RREB1: variants seen among roughly 807,000 people sequenced by gnomAD.
RREB1 encodes ras responsive element binding protein 1, also known as ras-responsive element-binding protein 1.
RREB1 carries 27 observed loss-of-function variants against 117.8 expected under a neutral mutation model. The observed-to-expected ratio is 0.23, with a 90% confidence interval of 0.17 to 0.32. The LOEUF (loss-of-function observed/expected upper bound fraction) is 0.32. RREB1 is among the 10% of genes least tolerant of loss of function. The probability of loss-of-function intolerance (pLI) is 1.00; values close to 1 mark genes in which losing one functional copy is unlikely to be tolerated. For missense variants in RREB1, 2,577 were observed against 2,378.2 expected, an observed-to-expected ratio of 1.08 and a Z score of -1.74; for synonymous variants, 1,298 against 1,026.7, an observed-to-expected ratio of 1.26 and a Z score of -5.05.
rs1314432284 is a variant in RREB1 at position 7,229,092 on chromosome 6, G to A, written c.993G>A (p.Leu331=). ...CDKAFPMLCS[L]ALHKQTHVAA... ...AGGCGTTCCCCATGCTCTGCTCACT[G>A]GCTCTGCACAAGCAGACCCATGTGG... Residue 331 remains leucine (L), a synonymous_variant, in exon 10 of 13, where the codon CTG becomes CTA. Coordinates refer to ENST00000379938, the MANE Select transcript of RREB1 (RefSeq NM_001003699.4). The surrounding 1 kb of genome is among the most constrained non-coding windows in gnomAD (Gnocchi z 4.5). 1 of 1,600,086 alleles carries A rather than the reference G, an allele frequency of 6.2e-7. No homozygotes were observed. Among genetic ancestry groups the A allele is most frequent in the Admixed American group, 1.7e-5 (1 of 59,540 alleles).
chr6:7,124,701 A>G (rs1359440220), intron 1 of RREB1, among the ~76,000 whole-genome samples: 1 of 152,260 alleles, frequency 6.6e-6, no homozygotes, highest in East Asian at 1.9e-4. Flanking sequence ...AGCAGCAGTC[A>G]TAAGATCTAA....
chr6:7,228,364 T>A (rs1446001327), intron 9 of RREB1, among the ~76,000 whole-genome samples: 1 of 152,142 alleles, frequency 6.6e-6, no homozygotes, highest in South Asian at 2.1e-4. Context: ...GTATTGTTAC[T>A]TAACTATACT....
At chr6:7,182,319 C>T (rs1764852515) in intron 4 of RREB1, among the ~76,000 whole-genome samples, 1 of 152,034 alleles carries the variant, frequency 6.6e-6, no homozygotes, top group East Asian at 1.9e-4. Flanking sequence ...TATTTTTGGC[C>T]CCACCATTGG....
intron 1 of RREB1, among the ~76,000 whole-genome samples, chr6:7,142,760 A>G (rs1175338606): frequency 6.6e-6 from 1 of 152,234 alleles, no homozygotes; most frequent in Non-Finnish European, 1.5e-5. Context: ...GAATGAGTTC[A>G]GTGACTTTAC....
At chr6:7,228,258 A>G (rs1261883882) in intron 9 of RREB1, among the ~76,000 whole-genome samples, 1 of 151,676 alleles carries the variant, frequency 6.6e-6, no homozygotes, top group African/African-American at 2.4e-5. Flanking sequence ...CCCTTCCACA[A>G]TCATAGAGGG....
intron 2 of RREB1, among the ~76,000 whole-genome samples, chr6:7,177,046 A>G (rs745446033): frequency 7.9e-5 from 12 of 151,660 alleles, no homozygotes; most frequent in African/African-American, 2.7e-4. Flanking sequence ...GTGAAACCCT[A>G]TCTCTACTAA....
At chr6:7,219,013 C>T (rs1163580033) in intron 8 of RREB1, 2 of 141,154 alleles carry the variant, frequency 1.4e-5, no homozygotes, top group African/African-American at 2.7e-5. Context: ...TTTGGGAGGC[C>T]GAAGCAAGGG....
intron 6 of RREB1, among the ~76,000 whole-genome samples, chr6:7,200,107 C>T (rs1178461869): frequency 6.6e-6 from 1 of 152,012 alleles, no homozygotes; most frequent in Non-Finnish European, 1.5e-5. Flanking sequence ...TGACCTTCCT[C>T]AAAACATTTT....
intron 8 of RREB1, chr6:7,216,949 C>G (rs566752002): frequency 5.2e-5 from 8 of 152,412 alleles, no homozygotes; most frequent in Non-Finnish European, 1.2e-4. Context: ...TTGTGAAGTC[C>G]CTCAGACTCT....
intron 1 of RREB1, among the ~76,000 whole-genome samples, chr6:7,129,921 AG>A (rs796490183): frequency 1.4e-4 from 21 of 152,246 alleles, no homozygotes; most frequent in African/African-American, 4.8e-4. Context: ...GGTTTACTGA[AG>A]GTAGGGCCAA....
chr6:7,201,388 C>T (rs947485440), intron 6 of RREB1, among the ~76,000 whole-genome samples: 2 of 152,116 alleles, frequency 1.3e-5, no homozygotes, highest in Non-Finnish European at 2.9e-5. Context: ...CCAACCTGTC[C>T]GACCTGTTCG....
At chr6:7,235,296 G>C (rs919698091) in intron 10 of RREB1, among the ~76,000 whole-genome samples, 1 of 152,144 alleles carries the variant, frequency 6.6e-6, no homozygotes, top group African/African-American at 2.4e-5. Flanking sequence ...CCACAGACCT[G>C]ATCTTTCTCC....
intron 1 of RREB1, among the ~76,000 whole-genome samples, chr6:7,147,028 AC>A (rs1762898488): frequency 1.3e-5 from 2 of 152,302 alleles, no homozygotes; most frequent in South Asian, 4.1e-4. Flanking sequence ...TTTTTGGAGC[AC>A]CTTCTAACTT....
chr6:7,223,080 C>A (rs943464639), intron 8 of RREB1, among the ~76,000 whole-genome samples: 6 of 151,676 alleles, frequency 4.0e-5, no homozygotes, highest in African/African-American at 1.5e-4. Flanking sequence ...CATGGTGACA[C>A]CATGTCTCTA....
intron 1 of RREB1, among the ~76,000 whole-genome samples, chr6:7,115,734 A>G (rs1316897973): frequency 6.6e-6 from 1 of 151,736 alleles, no homozygotes; most frequent in Non-Finnish European, 1.5e-5. Flanking sequence ...CTATATCTCC[A>G]TTTACAACTT....
At chr6:7,180,025 TG>T (rs1197887577) in intron 2 of RREB1, among the ~76,000 whole-genome samples, 6 of 152,006 alleles carry the variant, frequency 3.9e-5, no homozygotes, top group East Asian at 3.9e-4. Flanking sequence ...AAAGTATAGA[TG>T]TTTTTTTGGG....
intron 1 of RREB1, among the ~76,000 whole-genome samples, chr6:7,161,806 T>C (rs1012511436): frequency 6.6e-6 from 1 of 152,188 alleles, no homozygotes; most frequent in African/African-American, 2.4e-5. Flanking sequence ...TCTACAGCAT[T>C]GCTTCCACCC....
chr6:7,117,580 A>AT (rs796599206), intron 1 of RREB1, among the ~76,000 whole-genome samples: 94 of 150,050 alleles, frequency 6.3e-4, no homozygotes, highest in African/African-American at 7.8e-4. Context: ...TAATTTTTGT[A>AT]TTTTTTTTAG....
chr6:7,192,356 C>T (rs1765456746), intron 6 of RREB1, among the ~76,000 whole-genome samples: 1 of 151,806 alleles, frequency 6.6e-6, no homozygotes, highest in South Asian at 2.1e-4. Context: ...CCACTCCTGG[C>T]TAATTTTTGT....
Sources: gnomAD v4.1 joint callset for allele counts (sites outside exome capture counted in the v4.1 genomes callset) on GRCh38, gnomAD v4.1.1 for gene constraint, Gnocchi (gnomAD v3.1) non-coding constraint, MANE v1.5 for transcripts, NCBI Gene and HGNC (gene_info 2026-07-23, HGNC 2026-07-21) for gene names.